Variants in CDK5RAP2 observed in about 807,000 individuals in gnomAD.
CDK5RAP2 encodes CDK5 regulatory subunit associated protein 2, also known as CDK5 regulatory subunit-associated protein 2.
A neutral mutation model predicts 232.9 loss-of-function variants in CDK5RAP2; 147 were observed. The ratio of observed to expected loss-of-function variants is 0.63; its 90% confidence interval spans 0.55 to 0.72. The LOEUF (loss-of-function observed/expected upper bound fraction) is 0.72, where lower values mean the gene tolerates loss of function less well. Ranked by LOEUF, CDK5RAP2 falls within the 30% of genes least tolerant of loss-of-function variation. The probability of loss-of-function intolerance (pLI) is 0.00; values close to 1 mark genes in which losing one functional copy is unlikely to be tolerated. For synonymous variants in CDK5RAP2, 833 were observed against 833.7 expected (o/e 1.00, Z 0.01); for missense variants, 2,195 against 2,231.5 (o/e 0.98, Z 0.33).
At chr9:120,533,287 T>C (rs1425140107) in intron 7 of CDK5RAP2, among the ~76,000 whole-genome samples, 1 of 152,108 alleles carries the variant, frequency 6.6e-6, no homozygotes, top group Non-Finnish European at 1.5e-5. Context: ...CAGTAGTTGG[T>C]TAAGGAATGA....
At chr9:120,397,558 AAAAAAAAGAAAAAAG>A (rs1167979328) in intron 35 of CDK5RAP2, among the ~76,000 whole-genome samples, 94 of 141,234 alleles carry the variant, frequency 6.7e-4, no homozygotes, top group Middle Eastern at 3.9e-3. Context: ...AAAAAAAAAA[AAAAAAAAGAAAAAAG>A]AAAAAAAAAA....
chr9:120,443,669 G>C lies in CDK5RAP2; in HGVS notation c.3099C>G (p.Val1033=), dbSNP rs368241506. The change falls in exon 23 of 38, where the codon GTC becomes GTG. Residue 1033 remains valine (V), a synonymous_variant. Coordinates refer to ENST00000349780, the MANE Select transcript of CDK5RAP2 (RefSeq NM_018249.6). The part of the protein sequence containing the change: ...EQKGIKTTSS[V]WRDKEMDSDQ... Reference sequence around the variant, plus strand: ...CACTGTCCATTTCCTTGTCTCTCCAGACAGAAGATGTGGTTTTAATTCCTT... The same window carrying C: ...CACTGTCCATTTCCTTGTCTCTCCACACAGAAGATGTGGTTTTAATTCCTT... 4 of 1,614,056 alleles carry C rather than the reference G, an allele frequency of 2.5e-6. No individual in the cohort carries two copies. Among genetic ancestry groups the C allele is most frequent in the African/African-American group, 1.3e-5 (1 of 74,920 alleles).
intron 6 of CDK5RAP2, among the ~76,000 whole-genome samples, chr9:120,538,606 T>C (rs2041495387): frequency 6.6e-6 from 1 of 152,124 alleles, no homozygotes; most frequent in African/African-American, 2.4e-5. Context: ...CAGAGTCTGG[T>C]TCCAGGCTTG....
chr9:120,391,044 TG>T (rs959654519), intron 36 of CDK5RAP2, among the ~76,000 whole-genome samples: 1 of 152,072 alleles, frequency 6.6e-6, no homozygotes, highest in South Asian at 2.1e-4. Context: ...TGGATATGTT[TG>T]GGGGGTCAGT....
intron 12 of CDK5RAP2, among the ~76,000 whole-genome samples, chr9:120,501,933 T>A (rs1249296065): frequency 6.6e-6 from 1 of 152,148 alleles, no homozygotes; most frequent in Non-Finnish European, 1.5e-5. Context: ...CTGAATAAAT[T>A]AAGGAATGAG....
At chr9:120,396,531 G>T (rs898439883) in intron 35 of CDK5RAP2, among the ~76,000 whole-genome samples, 1 of 152,158 alleles carries the variant, frequency 6.6e-6, no homozygotes, top group Non-Finnish European at 1.5e-5. Flanking sequence ...AGTTGACCTG[G>T]CACTTCTTTT....
In CDK5RAP2 at chr9:120,487,324, C is replaced by T; in HGVS notation, c.1596G>A (p.Gln532=). 6.2e-7 allele frequency: 1 copy of T among 1,614,110 alleles called. No homozygotes were observed. Among genetic ancestry groups the T allele is most frequent in the Non-Finnish European group, 8.5e-7 (1 of 1,180,026 alleles). The change falls in exon 14 of 38, where the codon CAG becomes CAA. Residue 532 remains glutamine, a synonymous_variant. Transcript: ENST00000349780. Reference sequence around the variant, plus strand: ...AGAAGATGGTTTTGCTGCCTGGTGGCTGTTGAGAAGAGCACTTTTCTGTTA... The same window carrying T: ...AGAAGATGGTTTTGCTGCCTGGTGGTTGTTGAGAAGAGCACTTTTCTGTTA... ...GLITEKCSSQ[Q]PPGSKTIFSK...
At chr9:120,447,750 T>C (rs2036270052) in intron 22 of CDK5RAP2, 145 bp downstream of exon 22, 4 of 750,536 alleles carry the variant, frequency 5.3e-6, no homozygotes, top group African/African-American at 3.4e-5. Context: ...TGTTGTGCAT[T>C]TGTCAAGAGT....
In CDK5RAP2 at chr9:120,419,784, T is replaced by C. The variant is rs1198207010; in HGVS notation, c.4177+4A>G. ...TTTAAAACACTTAATGAGGCTTAGCTTACCTTGAGAAAAACTGTTCACCAT... is the reference window on the plus strand; with the variant it reads ...TTTAAAACACTTAATGAGGCTTAGCCTACCTTGAGAAAAACTGTTCACCAT... On this transcript the variant is annotated splice_donor_region_variant and intron_variant, in intron 27 of 37. Coordinates refer to ENST00000349780, the MANE Select transcript of CDK5RAP2 (RefSeq NM_018249.6). 1.2e-6 allele frequency: 2 copies of C among 1,611,280 alleles called. No individual in the cohort carries two copies. The highest frequency in any genetic ancestry group is 1.7e-5 in the Admixed American group (1 of 60,032).
At chr9:120,485,029 ATCTC>A (rs1007723024) in intron 14 of CDK5RAP2, among the ~76,000 whole-genome samples, 2 of 152,044 alleles carry the variant, frequency 1.3e-5, no homozygotes, top group African/African-American at 4.8e-5. Flanking sequence ...TGGCCAGTAA[ATCTC>A]TATCTACAAT....
intron 2 of CDK5RAP2, among the ~76,000 whole-genome samples, chr9:120,568,601 T>C (rs1056357426): frequency 6.6e-6 from 1 of 152,206 alleles, no homozygotes; most frequent in Non-Finnish European, 1.5e-5. Flanking sequence ...AAAGTAACAA[T>C]GTGCACATCA....
At chr9:120,579,448 C>T (rs1397467366) in intron 1 of CDK5RAP2, among the ~76,000 whole-genome samples, 7 of 152,152 alleles carry the variant, frequency 4.6e-5, no homozygotes, top group Non-Finnish European at 1.0e-4. Context: ...CCAACTCTAG[C>T]CAAGGTTCTT....
intron 12 of CDK5RAP2, among the ~76,000 whole-genome samples, chr9:120,506,766 C>T (rs2039835415): frequency 6.6e-6 from 1 of 152,152 alleles, no homozygotes; most frequent in South Asian, 2.1e-4. Flanking sequence ...CATGATAAAG[C>T]TTGAACAGAT....
chr9:120,556,438 T>C (rs540886381), intron 3 of CDK5RAP2, among the ~76,000 whole-genome samples: 18 of 152,140 alleles, frequency 1.2e-4, no homozygotes, highest in Non-Finnish European at 1.6e-4. Context: ...AATACTTTTT[T>C]TTTTTTTTGA....
In CDK5RAP2 at chr9:120,403,128, A is replaced by T; in HGVS notation, c.5042-57T>A. On this transcript the variant is annotated intron_variant, in intron 33 of 37. Transcript: ENST00000349780. The surrounding 1 kb of genome is among the most constrained non-coding windows in gnomAD (Gnocchi z 4.2). ...TTTCAGGTAACACTCTGCGTTCAAG[A>T]CGCTTATGATGTTGAAGCTAGCTAG... The T allele has an allele frequency of 6.3e-7, 1 of 1,583,238 alleles. No homozygotes were observed. The highest frequency in any genetic ancestry group is 8.7e-7 in the Non-Finnish European group (1 of 1,153,072).
At chr9:120,514,164 T>C (rs543637393) in intron 12 of CDK5RAP2, among the ~76,000 whole-genome samples, 4 of 152,320 alleles carry the variant, frequency 2.6e-5, no homozygotes, top group Admixed American at 2.0e-4. Context: ...GTTGGAAACA[T>C]GTATGTAACT....
At chr9:120,414,997 C>T (rs944547179) in intron 28 of CDK5RAP2, 43 bp downstream of exon 28, 3 of 1,610,102 alleles carry the variant, frequency 1.9e-6, no homozygotes, top group African/African-American at 2.7e-5. Context: ...CACAGTGAAG[C>T]ACTCACAGAC....
intron 20 of CDK5RAP2, among the ~76,000 whole-genome samples, chr9:120,454,865 A>T (rs1289572398): frequency 6.6e-6 from 1 of 152,102 alleles, no homozygotes; most frequent in Non-Finnish European, 1.5e-5. Context: ...TTGCACCCTT[A>T]TTGACTTTGC....
chr9:120,428,386 A>G (rs922194680), intron 25 of CDK5RAP2, among the ~76,000 whole-genome samples: 18 of 152,214 alleles, frequency 1.2e-4, no homozygotes, highest in African/African-American at 4.3e-4. Context: ...AAAAAGAGAG[A>G]AGAATCAAAT....
Sources: gnomAD v4.1 joint callset for allele counts (sites outside exome capture counted in the v4.1 genomes callset) on GRCh38, gnomAD v4.1.1 for gene constraint, Gnocchi (gnomAD v3.1) non-coding constraint, MANE v1.5 for transcripts, NCBI Gene and HGNC (gene_info 2026-07-23, HGNC 2026-07-21) for gene names.